The following PRMT7 variants were observed in gnomAD, a reference collection of about 807,000 sequenced individuals.
PRMT7 encodes protein arginine N-methyltransferase 7.
PRMT7 carries 75 observed loss-of-function variants against 85.4 expected under a neutral mutation model. The observed-to-expected ratio is 0.88, with a 90% CI of 0.73 to 1.06. PRMT7 has a LOEUF of 1.06. Ranked by LOEUF, PRMT7 falls within the 50% of genes least tolerant of loss-of-function variation. The probability of loss-of-function intolerance (pLI) is 0.00; values close to 1 mark genes in which losing one functional copy is unlikely to be tolerated. For missense variants in PRMT7, 868 were observed against 915.2 expected (o/e 0.95, Z 0.67); for synonymous variants, 397 against 359.5 (o/e 1.10, Z -1.18).
chr16:68,346,421 G>A, intron 11 of PRMT7, 141 bp downstream of exon 11: 1 of 1,196,536 alleles, frequency 8.4e-7, no homozygotes, highest in East Asian at 2.6e-5. Context: ...CGCCTCCTGG[G>A]TGGGCACTGG....
chr16:68,357,061 G>A lies in PRMT7; in HGVS notation c.1916G>A (p.Cys639Tyr). ...CTGCTCTTCTTCCTACAGGGGGGCT[G>A]CTGCTGGAACCCCCACTGCAAGCAG... Reference protein sequence around the residue: ...LLEPADPEGGCCWNPHCKQAV... With the variant: ...LLEPADPEGGYCWNPHCKQAV... Residue 639 changes from cysteine to tyrosine, a missense_variant, in exon 19 of 19, where the codon TGC (cysteine) becomes TAC (tyrosine). By Grantham distance (194) the Cys-to-Tyr change is radical. Transcript: ENST00000441236. 6.2e-7 allele frequency: 1 copy of A among 1,607,116 alleles called. No individual in the cohort carries two copies. Among genetic ancestry groups the A allele is most frequent in the Non-Finnish European group, 8.5e-7 (1 of 1,176,452 alleles).
chr16:68,337,755 A>C (rs1030140524), intron 7 of PRMT7, among the ~76,000 whole-genome samples, 184 bp downstream of exon 7: 3 of 152,192 alleles, frequency 2.0e-5, no homozygotes, highest in African/African-American at 4.8e-5. Flanking sequence ...TTGAATGCCA[A>C]ATCTTAATAG....
intron 2 of PRMT7, among the ~76,000 whole-genome samples, chr16:68,313,185 A>G (rs2044182656): frequency 6.6e-6 from 1 of 152,212 alleles, no homozygotes; most frequent in South Asian, 2.1e-4. Context: ...ATCACAGACA[A>G]GAAAGGAATC....
intron 3 of PRMT7, among the ~76,000 whole-genome samples, chr16:68,317,652 A>C (rs1597117056): frequency 6.6e-6 from 1 of 152,044 alleles, no homozygotes; most frequent in Non-Finnish European, 1.5e-5. Context: ...ACATGGAGAA[A>C]CCCTGTCTCT....
At position 68,355,839 on chromosome 16, in the gene PRMT7, G is replaced by A; in HGVS notation, c.1767G>A (p.Val589=). The change falls in exon 17 of 19, where the codon GTG becomes GTA. Residue 589 remains valine, a synonymous_variant. Coordinates refer to ENST00000441236, the MANE Select transcript of PRMT7 (RefSeq NM_019023.5). ...TGACCTTTGACTTCCAGCAGCCGGT[G>A]CCCCTGCAGCCCCTGTGTGCCGAGG... is the stretch of plus-strand genomic sequence containing the variant. ...QILTFDFQQP[V]PLQPLCAEGT... 1.2e-6 allele frequency: 2 copies of A among 1,608,592 alleles called. No homozygotes were observed. Among genetic ancestry groups the A allele is most frequent in the African/African-American group, 1.3e-5 (1 of 75,014 alleles).
At chr16:68,316,778 ATG>A (rs1174864641) in intron 3 of PRMT7, 1 of 152,724 alleles carries the variant, frequency 6.5e-6, no homozygotes, top group African/African-American at 2.4e-5. Context: ...AAAAAAAAGT[ATG>A]TGAGTTGTTA....
chr16:68,353,268 C>T (rs1345160495), intron 15 of PRMT7: 2 of 901,404 alleles, frequency 2.2e-6, no homozygotes. Flanking sequence ...GGCCGACTGT[C>T]CCTTATAGGA....
At chr16:68,355,528 A>G in intron 16 of PRMT7, 195 bp from the exon 17 acceptor site, 1 of 489,702 alleles carries the variant, frequency 2.0e-6, no homozygotes, top group South Asian at 5.1e-5. Context: ...GCTCAGAGCC[A>G]GCGGTGCCTG....
chr16:68,330,898 C>T (rs1366704239), intron 6 of PRMT7, among the ~76,000 whole-genome samples: 1 of 152,072 alleles, frequency 6.6e-6, no homozygotes, highest in Non-Finnish European at 1.5e-5. Flanking sequence ...CCCGGCCTAT[C>T]TTTTTTATTT....
intron 3 of PRMT7, among the ~76,000 whole-genome samples, chr16:68,320,921 A>AT (rs777298235): frequency 2.0e-5 from 3 of 152,160 alleles, no homozygotes; most frequent in African/African-American, 4.8e-5. Context: ...GAGGCTGTTC[A>AT]TAGCCACTGC....
chr16:68,354,075 C>T (rs2087879023), intron 16 of PRMT7, among the ~76,000 whole-genome samples: 1 of 152,180 alleles, frequency 6.6e-6, no homozygotes, highest in African/African-American at 2.4e-5. Context: ...GGGTGAGGAG[C>T]ATGGGCCGTG....
chr16:68,350,072 G>A (rs1215763105), intron 14 of PRMT7, among the ~76,000 whole-genome samples: 1 of 152,236 alleles, frequency 6.6e-6, no homozygotes, highest in Non-Finnish European at 1.5e-5. Context: ...GGTCTTGTGA[G>A]TCTGGCTCCT....
chr16:68,339,249 T>G (rs1223861187), intron 7 of PRMT7, 73 bp from the exon 8 acceptor site: 24 of 1,588,750 alleles, frequency 1.5e-5, no homozygotes, highest in Non-Finnish European at 2.1e-5. Context: ...AATAAACCTC[T>G]TTTGATCAAT....
Position 68,311,098 on chromosome 16 carries a change from G to T in PRMT7, c.-220G>T. 1.4e-6 allele frequency: 1 copy of T among 714,678 alleles called. No homozygotes were observed. Among genetic ancestry groups the T allele is most frequent in the South Asian group, 1.5e-5 (1 of 66,514 alleles). The allele number at this position is 714,678 out of a possible 1,614,324, so 44.3% of individuals were successfully genotyped here. A position where few individuals can be genotyped will look rare whatever the true frequency, so the allele number is the denominator to read the frequency against. ...AGGCGAGCGGAGGGTTTCCCGCGGC[G>T]GGTGAGGCGCTGGGTATGCTGGGAA... On this transcript the variant is annotated splice_region_variant and 5_prime_UTR_variant, in exon 1 of 19. Coordinates refer to ENST00000441236, the MANE Select transcript of PRMT7 (RefSeq NM_019023.5).
rs373078884 is a variant in PRMT7 at position 68,321,037 on chromosome 16, G to T, written c.96-389G>T. 1.6e-3 allele frequency among the ~76,000 whole-genome samples: 244 copies of T among 152,304 alleles called. 8 individuals are homozygous for T. In the South Asian group the frequency reaches 0.049, roughly 30 times the overall value. ...TAATCCCAGCACTTTAGGAGGCCAA[G>T]GTGGGCGGATCAGTTGAGGTCAGGA... is the stretch of plus-strand genomic sequence containing the variant. On this transcript the variant is annotated intron_variant, in intron 3 of 18. Transcript: ENST00000441236.
intron 6 of PRMT7, among the ~76,000 whole-genome samples, chr16:68,333,910 T>C (rs766266872): frequency 1.4e-4 from 21 of 152,160 alleles, no homozygotes; most frequent in Non-Finnish European, 2.6e-4. Flanking sequence ...GTAGCTGATA[T>C]TACAGGCATG....
chr16:68,356,942 C>G (rs1312229356), intron 18 of PRMT7, 112 bp from the exon 19 acceptor site: 4 of 1,388,560 alleles, frequency 2.9e-6, no homozygotes, highest in East Asian at 2.4e-5. Flanking sequence ...CCTGGGCCAT[C>G]TGGCCCCTGA....
chr16:68,327,044 G>A (rs2083205165), intron 5 of PRMT7, among the ~76,000 whole-genome samples: 1 of 152,194 alleles, frequency 6.6e-6, no homozygotes, highest in Admixed American at 6.5e-5. Context: ...AATAGATGAT[G>A]AAGATTTTTC....
At chr16:68,316,123 T>G (rs377614019) in intron 3 of PRMT7, 49 bp downstream of exon 3, 1 of 1,483,338 alleles carries the variant, frequency 6.7e-7, no homozygotes, top group African/African-American at 1.4e-5. Context: ...GCACTTGATC[T>G]CAAAGCAGAT....
Sources: gnomAD v4.1 joint callset for allele counts (sites outside exome capture counted in the v4.1 genomes callset) on GRCh38, gnomAD v4.1.1 for gene constraint, MANE v1.5 for transcripts, NCBI Gene and HGNC (gene_info 2026-07-23, HGNC 2026-07-21) for gene names.